GRB10: variants seen among roughly 807,000 people sequenced by gnomAD.
The protein encoded by GRB10 is growth factor receptor bound protein 10.
A neutral mutation model predicts 80.9 loss-of-function variants in GRB10; 20 were observed. The ratio of observed to expected loss-of-function variants is 0.25; its 90% CI spans 0.17 to 0.36. The LOEUF (loss-of-function observed/expected upper bound fraction) is 0.36, where lower values mean the gene tolerates loss of function less well. GRB10 is among the 10% of genes least tolerant of loss of function. The pLI is 1.00. For synonymous variants in GRB10, 291 were observed against 291.5 expected (o/e 1.00, Z 0.02); for missense variants, 548 against 747.7 (o/e 0.73, Z 3.12).
intron 7 of GRB10, among the ~76,000 whole-genome samples, chr7:50,639,673 C>CA (rs544650823): frequency 0.011 from 1,426 of 125,270 alleles, 13 homozygotes; most frequent in African/African-American, 0.032. Context: ...GACTCTGTCT[C>CA]AAAAAAAAAA....
chr7:50,604,333 G>A lies in GRB10; in HGVS notation c.1434C>T (p.Leu478=), dbSNP rs968310367. ...RMNILGSQSP[L]HPSTLSTVIH... ...TACCTGTACTTAGGGTAGAAGGGTG[G>A]AGGGGACTTTGGCTACCTAGGATGT... Residue 478 remains leucine (L), a synonymous_variant, in exon 16 of 19, where the codon CTC becomes CTT. Transcript: ENST00000401949. 1 of 1,613,632 alleles carries A rather than the reference G, an allele frequency of 6.2e-7. No homozygotes were observed. The highest frequency in any genetic ancestry group is 8.5e-7 in the Non-Finnish European group (1 of 1,179,758).
intron 17 of GRB10, among the ~76,000 whole-genome samples, chr7:50,602,265 G>C (rs2047740055): frequency 6.6e-6 from 1 of 152,168 alleles, no homozygotes; most frequent in African/African-American, 2.4e-5. Flanking sequence ...ACTGAACCTG[G>C]GCAAGTTCAC....
chr7:50,712,430 G>A (rs2066037575), intron 4 of GRB10, among the ~76,000 whole-genome samples: 1 of 152,206 alleles, frequency 6.6e-6, no homozygotes, highest in South Asian at 2.1e-4. Context: ...AGGAACAAGG[G>A]GGATGCTCTT....
chr7:50,699,709 C>T (rs370253559), intron 5 of GRB10, among the ~76,000 whole-genome samples: 5 of 152,206 alleles, frequency 3.3e-5, no homozygotes, highest in East Asian at 1.9e-4. Flanking sequence ...ACATGTAAAA[C>T]GGTATTATAA....
At chr7:50,632,890 G>T (rs1444132466) in intron 7 of GRB10, among the ~76,000 whole-genome samples, 1 of 152,150 alleles carries the variant, frequency 6.6e-6, no homozygotes, top group Non-Finnish European at 1.5e-5. Context: ...GTTGGTGCTT[G>T]TACCTGCCCT....
In GRB10 at chr7:50,670,937, G is replaced by A. The variant is rs76703175; in HGVS notation, c.363-1074C>T. On this transcript the variant is annotated intron_variant, in intron 6 of 18. Transcript: ENST00000401949. The stretch of plus-strand genomic sequence containing the variant: ...CCTCTACTTTCCTGGCACATCTCCA[G>A]GGGCATCTGTTCCCTCCTCCGAAAA... Among the ~76,000 whole-genome samples, 1,299 of 152,218 alleles carry A rather than the reference G, an allele frequency of 8.5e-3. 25 individuals carry two copies. The highest frequency in any genetic ancestry group is 0.029 in the African/African-American group (1,217 of 41,518).
chr7:50,778,477 AG>A lies in GRB10; in HGVS notation c.-217+2149del, dbSNP rs1342507639. Among the ~76,000 whole-genome samples the A allele has an allele frequency of 2.0e-5, 3 of 152,216 alleles. No individual in the cohort carries two copies. The East Asian group carries it at 5.8e-4, about 29-fold the overall frequency. On this transcript the variant is annotated intron_variant, in intron 2 of 18. Transcript: ENST00000401949. ...CATTCAAAAATGTCTTTGCTATCCA[AG>A]GAAGAACTTTGGTGGTAGAATTTTT... is the stretch of plus-strand genomic sequence containing the variant.
chr7:50,594,155 T>C (rs924807409), intron 18 of GRB10, among the ~76,000 whole-genome samples: 3 of 152,218 alleles, frequency 2.0e-5, no homozygotes, highest in African/African-American at 7.2e-5. Flanking sequence ...CATATAAGGT[T>C]GGCTGGAAGC....
chr7:50,787,111 ACCATCC>A (rs891410447), upstream of GRB10, among the ~76,000 whole-genome samples: 7 of 152,214 alleles, frequency 4.6e-5, no homozygotes, highest in Non-Finnish European at 8.8e-5. Flanking sequence ...GCATTAGGGG[ACCATCC>A]CAACACTGCA....
At chr7:50,629,706 A>G (rs772543014) in intron 7 of GRB10, among the ~76,000 whole-genome samples, 33 of 152,234 alleles carry the variant, frequency 2.2e-4, no homozygotes, top group Non-Finnish European at 3.8e-4. Context: ...CTCCTATTAC[A>G]GGGTACTGCC....
chr7:50,612,283 C>T (rs548634800), intron 13 of GRB10, among the ~76,000 whole-genome samples: 16 of 152,218 alleles, frequency 1.1e-4, no homozygotes, highest in Admixed American at 8.5e-4. Context: ...CCTGATTTTT[C>T]GAATCCTATT....
At chr7:50,750,152 G>C (rs1562606021) in intron 3 of GRB10, among the ~76,000 whole-genome samples, 1 of 152,218 alleles carries the variant, frequency 6.6e-6, no homozygotes, top group Non-Finnish European at 1.5e-5. Flanking sequence ...GAGCCCTCCG[G>C]CAGCTCTCCG....
chr7:50,748,152 T>C (rs1041299001), intron 3 of GRB10, among the ~76,000 whole-genome samples: 14 of 152,300 alleles, frequency 9.2e-5, no homozygotes, highest in Middle Eastern at 6.8e-3. Flanking sequence ...TAACTGAACG[T>C]AATCACTCAC....
intron 18 of GRB10, 113 bp from the exon 19 acceptor site, chr7:50,593,211 C>T: frequency 8.1e-7 from 1 of 1,241,182 alleles, no homozygotes; most frequent in South Asian, 1.2e-5. Flanking sequence ...CAGAGGGACA[C>T]ACAGGGCAAG....
intron 7 of GRB10, among the ~76,000 whole-genome samples, chr7:50,627,378 T>C (rs572219032): frequency 6.6e-6 from 1 of 152,160 alleles, no homozygotes; most frequent in Admixed American, 6.5e-5. Flanking sequence ...CAACAACAAA[T>C]CCTGTAAATC....
intron 3 of GRB10, among the ~76,000 whole-genome samples, chr7:50,737,472 C>T (rs1217171676): frequency 4.6e-5 from 7 of 152,324 alleles, no homozygotes; most frequent in South Asian, 2.1e-4. Flanking sequence ...GTACAGCCTG[C>T]GGAACTGTGA....
At position 50,609,818 on chromosome 7, in the gene GRB10, A is replaced by G. The variant is rs1171291710; in HGVS notation, c.1194+2923T>C. On this transcript the variant is annotated intron_variant, in intron 13 of 18. Transcript: ENST00000401949. ...GAAATTACCTAACAAACAATGTAACAGGAAGAAATGAGACAAAAGATTATC... is the reference window on the plus strand; with the variant it reads ...GAAATTACCTAACAAACAATGTAACGGGAAGAAATGAGACAAAAGATTATC... 2.0e-5 allele frequency among the ~76,000 whole-genome samples: 3 copies of G among 152,260 alleles called. No individual in the cohort carries two copies. The East Asian group carries it at 5.8e-4, about 29-fold the overall frequency.
chr7:50,674,111 GCT>G (rs1472372850), intron 6 of GRB10, among the ~76,000 whole-genome samples: 3 of 152,200 alleles, frequency 2.0e-5, no homozygotes, highest in Non-Finnish European at 2.9e-5. Flanking sequence ...CATGCAATCA[GCT>G]CCATGGCTGT....
At chr7:50,670,233 C>T (rs2060219426) in intron 6 of GRB10, among the ~76,000 whole-genome samples, 1 of 149,308 alleles carries the variant, frequency 6.7e-6, no homozygotes, top group Non-Finnish European at 1.5e-5. Flanking sequence ...GTAGTGTATT[C>T]AAACCCATAG....
Sources: gnomAD v4.1 joint callset for allele counts (sites outside exome capture counted in the v4.1 genomes callset) on GRCh38, gnomAD v4.1.1 for gene constraint, MANE v1.5 for transcripts, NCBI Gene and HGNC (gene_info 2026-07-23, HGNC 2026-07-21) for gene names.